The following RPL3L variants were observed in gnomAD, a reference collection of about 807,000 sequenced individuals.
RPL3L encodes the protein ribosomal protein uL3-like.
RPL3L carries 44 observed loss-of-function variants against 44.5 expected under a neutral mutation model. That is an observed-to-expected ratio of 0.99 (90% CI 0.78 to 1.27). RPL3L has a LOEUF of 1.27. RPL3L is among the 50% of genes most tolerant of loss of function. The pLI, the probability that RPL3L is intolerant of heterozygous loss-of-function variation, is 0.00. For missense variants in RPL3L, 631 were observed against 569.1 expected (o/e 1.11, Z -1.11); for synonymous variants, 292 against 230.7 (o/e 1.27, Z -2.41).
rs2150859982 is a variant in RPL3L at position 1,944,910 on chromosome 16, T to C, written c.1168-17A>G. On this transcript the variant is annotated splice_polypyrimidine_tract_variant and intron_variant, in intron 9 of 9. Transcript: ENST00000268661. ...TTGGGGGCCCTGGTTGAGAGGGTGGTGCAGGAGGAGCCTTAGTCACTCTGG... is the reference window on the plus strand; with the variant it reads ...TTGGGGGCCCTGGTTGAGAGGGTGGCGCAGGAGGAGCCTTAGTCACTCTGG... The C allele has an allele frequency of 6.2e-7, 1 of 1,604,712 alleles. No individual in the cohort carries two copies. Among genetic ancestry groups the C allele is most frequent in the Non-Finnish European group, 8.5e-7 (1 of 1,178,274 alleles).
Position 1,945,509 on chromosome 16 carries a change from C to T in RPL3L, c.1157G>A (p.Arg386Lys). Residue 386 changes from arginine (R) to lysine (K), a missense_variant, in exon 9 of 10, where the codon AGG (arginine) becomes AAG (lysine). Transcript: ENST00000268661. ...GGGCGGTGAGCTCACCATGAAGGCC[C>T]TCTTCTCTTGGGCTGTCTGGAAGCG... ...HGRFQTAQEK[R>K]AFMGPQKKHL... 1 of 1,612,382 alleles carries T rather than the reference C, an allele frequency of 6.2e-7. No homozygotes were observed. The highest frequency in any genetic ancestry group is 8.5e-7 in the Non-Finnish European group (1 of 1,179,346).
chr16:1,945,362 A>T, intron 9 of RPL3L, 137 bp downstream of exon 9: 5 of 853,526 alleles, frequency 5.9e-6, no homozygotes, highest in Non-Finnish European at 8.1e-6. Flanking sequence ...CTCAAAAAAT[A>T]AAATAAATAA....
chr16:1,953,124 G>T, intron 2 of RPL3L, 82 bp from the exon 3 acceptor site: 2 of 1,449,202 alleles, frequency 1.4e-6, no homozygotes, highest in Non-Finnish European at 1.9e-6. Context: ...CCCACATAGG[G>T]GCAGGACAGG....
At chr16:1,953,830 C>T in intron 2 of RPL3L, 126 bp downstream of exon 2, 1 of 1,015,980 alleles carries the variant, frequency 9.8e-7, no homozygotes, top group Non-Finnish European at 1.3e-6. Flanking sequence ...CACCCCAATT[C>T]CCGGGGGCGA....
At chr16:1,954,331 T>C (rs982029018) in intron 1 of RPL3L, among the ~76,000 whole-genome samples, 183 bp from the exon 2 acceptor site, 1 of 152,046 alleles carries the variant, frequency 6.6e-6, no homozygotes. Context: ...GTCTTTGGGA[T>C]GGGGTCTCCA....
chr16:1,948,566 G>A (rs535080663), intron 4 of RPL3L, among the ~76,000 whole-genome samples: 44 of 151,950 alleles, frequency 2.9e-4, no homozygotes, highest in South Asian at 1.9e-3. Context: ...ACAGGGTCTC[G>A]CTCTGTCACC....
chr16:1,945,597 G>A lies in RPL3L; in HGVS notation c.1069C>T (p.Arg357Cys), dbSNP rs751602271. ...AGCTCAATATTCTCCACGGCTTGGC[G>A]ACTGTGATGCACCAGGAGGGACTGG... ...LRKSLLVHHSRQAVENIELKF... is the reference protein window; with the variant it reads ...LRKSLLVHHSCQAVENIELKF... Residue 357 changes from arginine to cysteine, a missense_variant, in exon 9 of 10, where the codon CGC becomes TGC. Arg to Cys is a radical substitution (Grantham distance 180, BLOSUM62 -3). Transcript: ENST00000268661. 28 of 1,613,864 alleles carry A rather than the reference G, an allele frequency of 1.7e-5. No homozygotes were observed. The highest frequency in any genetic ancestry group is 2.2e-5 in the Non-Finnish European group (26 of 1,179,990).
Position 1,947,079 on chromosome 16 carries a change from A to G in RPL3L, c.708T>C (p.His236=), listed in dbSNP as rs747358490. The change falls in exon 6 of 10, where the codon CAT becomes CAC. Residue 236 remains histidine (H), a synonymous_variant. Transcript: ENST00000268661. ...GGGTCTTCCGCGGCAGCTTCTTGGT[A>G]TGCCAGCGGCTTGTGACCCCTGTGA... ...RGVKGVTSRW[H]TKKLPRKTHK... is the part of the protein sequence containing the mutation. The G allele has an allele frequency of 1.9e-6, 3 of 1,613,660 alleles. No homozygotes were observed. The East Asian group carries it at 6.7e-5, about 36-fold the overall frequency.
chr16:1,949,259 C>CTTT (rs58248501), intron 4 of RPL3L, among the ~76,000 whole-genome samples: 6,852 of 75,110 alleles, frequency 0.091, 442 homozygotes, highest in Non-Finnish European at 0.1. Context: ...TTTTTTTTTT[C>CTTT]TTTTTTTTTT....
chr16:1,946,256 G>C (rs2083120044), intron 7 of RPL3L, among the ~76,000 whole-genome samples: 1 of 152,248 alleles, frequency 6.6e-6, no homozygotes, highest in South Asian at 2.1e-4. Context: ...CTGACTCCCA[G>C]GCCACAGTAG....
chr16:1,954,688 G>A lies in RPL3L; in HGVS notation c.-57C>T. 2 of 1,479,176 alleles carry A rather than the reference G, an allele frequency of 1.4e-6. No homozygotes were observed. The highest frequency in any genetic ancestry group is 9.0e-7 in the Non-Finnish European group (1 of 1,112,542). The allele number at this position is 1,479,176 out of a possible 1,614,324, so 91.6% of individuals were successfully genotyped here. ...CTCGCCGCTAGCCGCCAGAGGTCGA[G>A]TGGCAGGGCCAGGACTCACAGCTGC... On this transcript the variant is annotated 5_prime_UTR_variant, in exon 1 of 10. Transcript: ENST00000268661.
At position 1,954,136 on chromosome 16, in the gene RPL3L, A is replaced by G. The variant is rs777086903; in HGVS notation, c.16T>C (p.Phe6Leu). 5 of 1,584,038 alleles carry G rather than the reference A, an allele frequency of 3.2e-6. No individual in the cohort carries two copies. The highest frequency in any genetic ancestry group is 3.4e-6 in the Non-Finnish European group (4 of 1,165,096). MSHRKFSAPRHGHLGF... is the reference protein window; with the variant it reads MSHRKLSAPRHGHLGF... ...AGGTGTCCGTGCCGAGGGGCGGAAA[A>G]CTTCCGGTGGGACTGGGGGGCAGGA... The change falls in exon 2 of 10, where the codon TTT becomes CTT. Residue 6 changes from phenylalanine (F) to leucine (L), a missense_variant. Transcript: ENST00000268661.
chr16:1,953,407 AT>A (rs1448674756), intron 2 of RPL3L, among the ~76,000 whole-genome samples: 1 of 152,048 alleles, frequency 6.6e-6, no homozygotes, highest in Non-Finnish European at 1.5e-5. Flanking sequence ...TTTTGTAGAG[AT>A]AGGGTTTCAC....
intron 4 of RPL3L, among the ~76,000 whole-genome samples, chr16:1,948,231 C>T (rs2150862768): frequency 6.7e-6 from 1 of 149,890 alleles, no homozygotes; most frequent in Admixed American, 6.7e-5. Flanking sequence ...GCCACCACGC[C>T]CGGCCTTTTT....
At chr16:1,954,338 T>C (rs940240692) in intron 1 of RPL3L, among the ~76,000 whole-genome samples, 190 bp from the exon 2 acceptor site, 6 of 152,052 alleles carry the variant, frequency 3.9e-5, no homozygotes, top group African/African-American at 1.4e-4. Context: ...GGATGGGGTC[T>C]CCATAGCCAC....
intron 4 of RPL3L, among the ~76,000 whole-genome samples, chr16:1,950,135 T>G (rs2083161638): frequency 1.9e-5 from 1 of 51,442 alleles, no homozygotes; most frequent in Non-Finnish European, 3.4e-5. Context: ...GGGGCAGGTA[T>G]GGACAGGGCA....
chr16:1,951,065 A>G lies in RPL3L; in HGVS notation c.366-86T>C, dbSNP rs913371063. ...CCTGCCCCCACCTCACCCCCAGCCC[A>G]CCAAGCAGGGGTCCTACCTCTGGGA... On this transcript the variant is annotated intron_variant, in intron 3 of 9. Transcript: ENST00000268661. 18 of 1,526,644 alleles carry G rather than the reference A, an allele frequency of 1.2e-5. No homozygotes were observed. The Admixed American group carries it at 3.5e-4, about 30-fold the overall frequency. 94.6% of individuals were successfully genotyped at this position (1,526,644 alleles called of 1,614,324 possible). A position where few individuals can be genotyped will look rare whatever the true frequency, so the allele number is the denominator to read the frequency against.
chr16:1,947,213 G>C lies in RPL3L; in HGVS notation c.669C>G (p.Thr223=), dbSNP rs752269438. The stretch of plus-strand genomic sequence containing the variant: ...CCCTACCTTTGACGCCTCGACCCTT[G>C]GTGACAGCAATGACATCAATGACCT... ...QSEVIDVIAV[T]KGRGVKGVTS... The change falls in exon 5 of 10, where the codon ACC becomes ACG. Residue 223 remains threonine (T), a synonymous_variant. Coordinates refer to ENST00000268661, the MANE Select transcript of RPL3L (RefSeq NM_005061.3). 1 of 1,612,946 alleles carries C rather than the reference G, an allele frequency of 6.2e-7. No individual in the cohort carries two copies. The highest frequency in any genetic ancestry group is 2.2e-5 in the East Asian group (1 of 44,844).
At chr16:1,946,903 C>A in intron 6 of RPL3L, 35 bp downstream of exon 6, 5 of 1,578,108 alleles carry the variant, frequency 3.2e-6, no homozygotes, top group Non-Finnish European at 4.3e-6. Flanking sequence ...GGGGTCCGAC[C>A]ACACAGTGTC....
Sources: gnomAD v4.1 joint callset for allele counts (sites outside exome capture counted in the v4.1 genomes callset) on GRCh38, gnomAD v4.1.1 for gene constraint, MANE v1.5 for transcripts, NCBI Gene and HGNC (gene_info 2026-07-23, HGNC 2026-07-21) for gene names.